IL21R: variants seen among roughly 807,000 people sequenced by gnomAD.
IL21R encodes interleukin-21 receptor.
In IL21R, 14 loss-of-function variants were observed where a neutral mutation model predicts 41.3. The observed-to-expected ratio is 0.34, with a 90% CI of 0.22 to 0.53. IL21R has a LOEUF of 0.53. Ranked by LOEUF, IL21R falls within the 20% of genes least tolerant of loss-of-function variation. IL21R has a pLI of 0.94. For missense variants in IL21R, 588 were observed against 681.6 expected, an observed-to-expected ratio of 0.86 and a Z score of 1.53; for synonymous variants, 286 against 287.6, an observed-to-expected ratio of 0.99 and a Z score of 0.05.
intron 3 of IL21R, among the ~76,000 whole-genome samples, chr16:27,436,470 G>A (rs566986414): frequency 6.6e-6 from 1 of 152,316 alleles, no homozygotes; most frequent in East Asian, 1.9e-4. Flanking sequence ...AGGCTGGGAG[G>A]CTTGGAGAGC....
At chr16:27,442,495 A>G (rs1038015744) in intron 4 of IL21R, among the ~76,000 whole-genome samples, 1 of 151,882 alleles carries the variant, frequency 6.6e-6, no homozygotes, top group Non-Finnish European at 1.5e-5. Flanking sequence ...TCCCGAGTAG[A>G]TGGGACTACA....
intron 1 of IL21R, among the ~76,000 whole-genome samples, chr16:27,411,832 A>G (rs972149942): frequency 3.9e-5 from 6 of 152,182 alleles, no homozygotes; most frequent in African/African-American, 1.2e-4. Context: ...TATTCTAGAT[A>G]TTAACCCCAT....
At position 27,412,472 on chromosome 16, in the gene IL21R, G is replaced by A. The variant is rs187766450; in HGVS notation, c.-17+9854G>A. Reference sequence around the variant, plus strand: ...CTCAAGATTATTTTGGCTATTTAGGGTCCCTTGAAGTTCCATATGAATTTT... The same window carrying A: ...CTCAAGATTATTTTGGCTATTTAGGATCCCTTGAAGTTCCATATGAATTTT... On this transcript the variant is annotated intron_variant, in intron 1 of 8. Coordinates refer to ENST00000337929, the MANE Select transcript of IL21R (RefSeq NM_181078.3). Among the ~76,000 whole-genome samples, 24 of 150,118 alleles carry A rather than the reference G, an allele frequency of 1.6e-4. 1 individual carries two copies. The East Asian group carries it at 4.5e-3, about 28-fold the overall frequency.
intron 1 of IL21R, among the ~76,000 whole-genome samples, chr16:27,422,332 G>C (rs2087011750): frequency 1.3e-5 from 2 of 151,988 alleles, no homozygotes; most frequent in Non-Finnish European, 2.9e-5. Flanking sequence ...TCTTTTGTTA[G>C]TTTGGAAAAA....
Position 27,429,907 on chromosome 16 carries a change from G to A in IL21R, c.-16-149G>A, listed in dbSNP as rs561690282. On this transcript the variant is annotated intron_variant, in intron 1 of 8. Transcript: ENST00000337929. The stretch of plus-strand genomic sequence containing the variant: ...TTTCTAAGAGGTGGGAGTTCTTGGG[G>A]TCATCCACAGGCCCCTCGGGATCTT... The A allele has an allele frequency of 1.5e-5, 9 of 603,368 alleles. No homozygotes were observed. The South Asian group carries it at 1.9e-4, about 13-fold the overall frequency. 37.4% of individuals were successfully genotyped at this position (603,368 alleles called of 1,614,324 possible).
chr16:27,431,028 A>G (rs1165144818), intron 2 of IL21R, among the ~76,000 whole-genome samples: 2 of 152,156 alleles, frequency 1.3e-5, no homozygotes, highest in African/African-American at 2.4e-5. Flanking sequence ...GGCACTGCCT[A>G]GGACTAAGAG....
chr16:27,433,826 G>A (rs1008876029), intron 2 of IL21R, among the ~76,000 whole-genome samples: 13 of 152,126 alleles, frequency 8.5e-5, no homozygotes, highest in African/African-American at 2.2e-4. Flanking sequence ...CTGAATCTCC[G>A]AGAGTGGGTG....
At chr16:27,418,049 TATTTTA>T (rs1259729512) in intron 1 of IL21R, among the ~76,000 whole-genome samples, 1 of 138,648 alleles carries the variant, frequency 7.2e-6, no homozygotes, top group Admixed American at 7.5e-5. Context: ...TATTTTATTT[TATTTTA>T]TTTTATTTTA....
rs1034002884 is a variant in IL21R, at chr16:27,449,522, T to C, written c.*239T>C. 13 of 562,590 alleles carry C rather than the reference T, an allele frequency of 2.3e-5. No homozygotes were observed. Among genetic ancestry groups the C allele is most frequent in the African/African-American group, 2.1e-4 (11 of 53,356 alleles). The allele number at this position is 562,590 out of a possible 1,614,324, so 34.8% of individuals were successfully genotyped here. ...GTCCACGTGTGTGTGTGATTGCACG[T>C]GCCTGTGGGCCTGGGATAATGCCCA... On this transcript the variant is annotated 3_prime_UTR_variant, in exon 9 of 9. Coordinates refer to ENST00000337929, the MANE Select transcript of IL21R (RefSeq NM_181078.3).
chr16:27,418,890 T>C (rs2086950766), intron 1 of IL21R, among the ~76,000 whole-genome samples: 2 of 119,226 alleles, frequency 1.7e-5, no homozygotes, highest in South Asian at 6.0e-4. Context: ...TTATTTTTTA[T>C]TTTTTTACTT....
At chr16:27,442,412 G>A (rs1343350591) in intron 4 of IL21R, among the ~76,000 whole-genome samples, 2 of 152,128 alleles carry the variant, frequency 1.3e-5, no homozygotes, top group African/African-American at 4.8e-5. Flanking sequence ...CGCCCGGGCT[G>A]GAGTGCAGTG....
chr16:27,414,897 T>G (rs2086875324), intron 1 of IL21R, among the ~76,000 whole-genome samples: 1 of 152,198 alleles, frequency 6.6e-6, no homozygotes, highest in Non-Finnish European at 1.5e-5. Context: ...CTATAACATG[T>G]CTGAACAGGA....
At chr16:27,416,431 C>A (rs1188067940) in intron 1 of IL21R, among the ~76,000 whole-genome samples, 1 of 152,130 alleles carries the variant, frequency 6.6e-6, no homozygotes, top group African/African-American at 2.4e-5. Flanking sequence ...AACCACCGCA[C>A]CCAGCCTAAT....
At chr16:27,429,924 C>A (rs1003790587) in intron 1 of IL21R, 132 bp from the exon 2 acceptor site, 1 of 700,522 alleles carries the variant, frequency 1.4e-6, no homozygotes, top group Admixed American at 2.7e-5. Context: ...ACAGGCCCCT[C>A]GGGATCTTGC....
intron 1 of IL21R, chr16:27,403,137 C>T (rs1000168232): frequency 7.4e-6 from 7 of 945,410 alleles, no homozygotes; most frequent in African/African-American, 4.9e-5. Context: ...TCAACTGGGA[C>T]GTAGCAGGTC....
At chr16:27,429,963 G>A in intron 1 of IL21R, 93 bp from the exon 2 acceptor site, 1 of 1,099,796 alleles carries the variant, frequency 9.1e-7, no homozygotes. Flanking sequence ...CCAAGAATCA[G>A]GGGCAAGTCT....
At position 27,437,496 on chromosome 16, in the gene IL21R, A is replaced by T. The variant is rs908106876; in HGVS notation, c.161A>T (p.Gln54Leu). The change falls in exon 4 of 9, where the codon CAG (glutamine) becomes CTG (leucine). Residue 54 changes from glutamine to leucine, a missense_variant. By Grantham distance (113) the Gln-to-Leu change is moderately radical. Transcript: ENST00000337929. ...PSTLTLTWQD[Q>L]YEELKDEATS... ...CTGCTTTGTCCTTGAAGGCAAGACC[A>T]GTATGAAGAGCTGAAGGACGAGGCC... 2 of 1,613,658 alleles carry T rather than the reference A, an allele frequency of 1.2e-6. No homozygotes were observed. Among genetic ancestry groups the T allele is most frequent in the African/African-American group, 2.7e-5 (2 of 75,030 alleles).
In IL21R at chr16:27,437,582, A is replaced by G. The variant is rs2087295305; in HGVS notation, c.247A>G (p.Met83Val). Residue 83 changes from methionine to valine, a missense_variant, in exon 4 of 9, where the codon ATG becomes GTG. Physicochemically the swap from Met to Val is conservative, Grantham distance 21. Coordinates refer to ENST00000337929, the MANE Select transcript of IL21R (RefSeq NM_181078.3). The part of the protein sequence containing the change: ...NATHATYTCH[M>V]DVFHFMADDI... Reference sequence around the variant, plus strand: ...CACGCATGCCACCTACACCTGCCACATGGATGTATTCCACTTCATGGCCGA... The same window carrying G: ...CACGCATGCCACCTACACCTGCCACGTGGATGTATTCCACTTCATGGCCGA... 6.2e-7 allele frequency: 1 copy of G among 1,614,212 alleles called. No individual in the cohort carries two copies. Among genetic ancestry groups the G allele is most frequent in the Non-Finnish European group, 8.5e-7 (1 of 1,180,022 alleles).
chr16:27,425,611 G>T (rs1354727568), intron 1 of IL21R, among the ~76,000 whole-genome samples: 2 of 151,388 alleles, frequency 1.3e-5, no homozygotes, highest in Non-Finnish European at 2.9e-5. Flanking sequence ...GGAGTACAGT[G>T]GTGTAATCTC....
Sources: gnomAD v4.1 joint callset for allele counts (sites outside exome capture counted in the v4.1 genomes callset) on GRCh38, gnomAD v4.1.1 for gene constraint, MANE v1.5 for transcripts, NCBI Gene and HGNC (gene_info 2026-07-23, HGNC 2026-07-21) for gene names.